The following NBEA variants were observed in gnomAD, a reference collection of about 807,000 sequenced individuals.
The protein encoded by NBEA is lysosomal-trafficking regulator 2.
In NBEA, 44 loss-of-function variants were observed where a neutral mutation model predicts 343.4. The observed-to-expected ratio is 0.13, with a 90% CI of 0.10 to 0.16. The LOEUF (loss-of-function observed/expected upper bound fraction) is 0.16, where lower values mean the gene tolerates loss of function less well. Among genes scored for constraint, NBEA ranks in the 10% least tolerant of loss-of-function variants. The pLI is 1.00. For missense variants in NBEA, 2,555 were observed against 3,631.3 expected, an observed-to-expected ratio of 0.70 and a Z score of 7.62; for synonymous variants, 1,175 against 1,238.7, an observed-to-expected ratio of 0.95 and a Z score of 1.08.
chr13:35,476,542 T>C, intron 41 of NBEA: 1 of 601,362 alleles, frequency 1.7e-6, no homozygotes, highest in Non-Finnish European at 3.0e-6. Flanking sequence ...GTAGTCAAAA[T>C]AAGCACCCCT....
Position 35,614,982 on chromosome 13 carries a change from C to T in NBEA, c.7449+8404C>T, listed in dbSNP as rs1302110072. ...ATGCCATTTGAGTGTGTATTCTGTG[C>T]CAGATACTGTGCTAGAACTTCAGGT... On this transcript the variant is annotated intron_variant, in intron 48 of 58. Coordinates refer to ENST00000379939, the MANE Select transcript of NBEA (RefSeq NM_001385012.1). 5.3e-5 allele frequency among the ~76,000 whole-genome samples: 8 copies of T among 152,002 alleles called. No homozygotes were observed. The South Asian group carries it at 1.7e-3, about 32-fold the overall frequency.
At chr13:35,154,686 A>C (rs999863266) in intron 18 of NBEA, among the ~76,000 whole-genome samples, 2 of 152,248 alleles carry the variant, frequency 1.3e-5, no homozygotes, top group Non-Finnish European at 2.9e-5. Context: ...CCCACATTTT[A>C]GTGGGAAAGT....
At chr13:35,210,345 G>C (rs903148900) in intron 32 of NBEA, among the ~76,000 whole-genome samples, 4 of 151,858 alleles carry the variant, frequency 2.6e-5, no homozygotes, top group Non-Finnish European at 5.9e-5. Flanking sequence ...TGGGCATACT[G>C]TTCATTTCAA....
At chr13:35,250,472 C>G (rs377350897) in intron 34 of NBEA, among the ~76,000 whole-genome samples, 2 of 151,984 alleles carry the variant, frequency 1.3e-5, no homozygotes, top group South Asian at 2.1e-4. Context: ...GTTAATAAAG[C>G]CAAAATGAAA....
intron 38 of NBEA, among the ~76,000 whole-genome samples, chr13:35,412,075 G>A (rs757855606): frequency 1.3e-5 from 2 of 152,086 alleles, no homozygotes; most frequent in Admixed American, 6.6e-5. Context: ...TAGCAAGTTA[G>A]TACAAGTTTA....
intron 36 of NBEA, among the ~76,000 whole-genome samples, chr13:35,332,869 G>C (rs111983292): frequency 0.026 from 3,899 of 152,156 alleles, 186 homozygotes; most frequent in African/African-American, 0.088. Flanking sequence ...GGCATCATGA[G>C]TCTTAAAAGT....
chr13:35,648,718 G>A (rs2084365333), intron 51 of NBEA, among the ~76,000 whole-genome samples: 1 of 152,086 alleles, frequency 6.6e-6, no homozygotes, highest in Non-Finnish European at 1.5e-5. Context: ...TTAATATGGT[G>A]GTATTTGTAG....
At chr13:35,182,128 A>G (rs1341219071) in intron 28 of NBEA, among the ~76,000 whole-genome samples, 1 of 151,566 alleles carries the variant, frequency 6.6e-6, no homozygotes, top group Non-Finnish European at 1.5e-5. Flanking sequence ...TAAAATTTTA[A>G]TATTCTAGTT....
At chr13:35,295,749 C>T (rs2036084375) in intron 35 of NBEA, among the ~76,000 whole-genome samples, 1 of 152,120 alleles carries the variant, frequency 6.6e-6, no homozygotes, top group Non-Finnish European at 1.5e-5. Context: ...GAACAGATTG[C>T]AACAGGAAGA....
chr13:34,983,772 G>T (rs1298695319), intron 1 of NBEA, among the ~76,000 whole-genome samples: 1 of 152,200 alleles, frequency 6.6e-6, no homozygotes, highest in Non-Finnish European at 1.5e-5. Context: ...CTGGTGACCA[G>T]TGATGATGAG....
At chr13:35,431,560 C>A (rs551433019) in intron 38 of NBEA, among the ~76,000 whole-genome samples, 2 of 151,948 alleles carry the variant, frequency 1.3e-5, no homozygotes, top group Non-Finnish European at 2.9e-5. Flanking sequence ...CAATGTTGGC[C>A]GTGGCTATTA....
chr13:35,018,754 A>G (rs2061736509), intron 1 of NBEA, among the ~76,000 whole-genome samples: 1 of 151,932 alleles, frequency 6.6e-6, no homozygotes, highest in Non-Finnish European at 1.5e-5. Context: ...CCTGTTTTGC[A>G]TTTGGTTGAG....
chr13:35,655,455 C>T, intron 54 of NBEA, 124 bp from the exon 55 acceptor site: 1 of 1,107,786 alleles, frequency 9.0e-7, no homozygotes, highest in African/African-American at 1.6e-5. Context: ...ATGAACTTTT[C>T]ACAAAACTGG....
At chr13:35,058,595 A>ATGCTTTC (rs1255756822) in intron 7 of NBEA, 122 bp from the exon 8 acceptor site, 1 of 789,246 alleles carries the variant, frequency 1.3e-6, no homozygotes, top group Middle Eastern at 3.8e-4. Flanking sequence ...GTCTTAATTG[A>ATGCTTTC]TGCTTTCTTC....
chr13:35,539,593 A>C (rs2078714467), intron 41 of NBEA, among the ~76,000 whole-genome samples: 1 of 152,120 alleles, frequency 6.6e-6, no homozygotes, highest in Non-Finnish European at 1.5e-5. Flanking sequence ...TTTTTAAAAA[A>C]TGTTTGAAGC....
chr13:35,472,394 T>C lies in NBEA; in HGVS notation c.6449-6T>C. ...CAGCCTGACTCCCCTTGTCCTTGCC[T>C]TGCAGGCCCAGTGGTTCTCAGCACC... is the stretch of plus-strand genomic sequence containing the variant. On this transcript the variant is annotated splice_region_variant and splice_polypyrimidine_tract_variant and intron_variant, in intron 40 of 58. Coordinates refer to ENST00000379939, the MANE Select transcript of NBEA (RefSeq NM_001385012.1). 6.2e-7 allele frequency: 1 copy of C among 1,612,532 alleles called. No individual in the cohort carries two copies. The highest frequency in any genetic ancestry group is 2.2e-5 in the East Asian group (1 of 44,850).
intron 10 of NBEA, among the ~76,000 whole-genome samples, chr13:35,096,373 T>A (rs1025528400): frequency 2.0e-5 from 3 of 151,812 alleles, no homozygotes; most frequent in Non-Finnish European, 1.5e-5. Flanking sequence ...TTTGGAATAA[T>A]AATATTAATA....
At position 35,262,971 on chromosome 13, in the gene NBEA, A is replaced by G. The variant is rs550612993; in HGVS notation, c.5777-27418A>G. ...GTGTTCTGCAGAAATAGAAAAATCA[A>G]TCCTAAAATTCATTTGCAAACTTAA... On this transcript the variant is annotated intron_variant, in intron 34 of 58. Transcript: ENST00000379939. 2.6e-5 allele frequency among the ~76,000 whole-genome samples: 4 copies of G among 152,304 alleles called. No homozygotes were observed. The South Asian group carries it at 6.2e-4, about 24-fold the overall frequency.
At chr13:35,100,062 TG>T (rs1296310303) in intron 11 of NBEA, among the ~76,000 whole-genome samples, 1 of 152,076 alleles carries the variant, frequency 6.6e-6, no homozygotes. Flanking sequence ...GCAAAAAAAT[TG>T]AGAAGATATT....
Sources: allele counts gnomAD v4.1 joint callset (sites outside exome capture counted in the v4.1 genomes callset), GRCh38; gene constraint gnomAD v4.1.1; transcripts MANE v1.5; gene names NCBI Gene and HGNC (gene_info 2026-07-23, HGNC 2026-07-21).